Variants in PIP4P2 observed in about 807,000 individuals in gnomAD.
The protein encoded by PIP4P2 is type 2 phosphatidylinositol 4,5-bisphosphate 4-phosphatase.
A neutral mutation model predicts 33.3 loss-of-function variants in PIP4P2; 19 were observed. The observed-to-expected ratio is 0.57, with a 90% CI of 0.40 to 0.84. PIP4P2 has a LOEUF of 0.84. Ranked by LOEUF, PIP4P2 falls within the 40% of genes least tolerant of loss-of-function variation. The pLI is 0.00. For synonymous variants in PIP4P2, 110 were observed against 111.9 expected (o/e 0.98, Z 0.11); for missense variants, 270 against 324.7 (o/e 0.83, Z 1.29).
chr8:91,019,419 AAAAAAT>A lies in PIP4P2; in HGVS notation c.362+732_362+737del, dbSNP rs1323910127. On this transcript the variant is annotated intron_variant, in intron 3 of 6. Coordinates refer to ENST00000285419, the MANE Select transcript of PIP4P2 (RefSeq NM_018710.3). ...ACAAAAAAAAAAAAAAAAAAAAAAA[AAAAAAT>A]ATATTACCTGGGAGTGGTGGTGTGT... Among the ~76,000 whole-genome samples, 50 of 146,000 alleles carry A rather than the reference AAAAAAT, an allele frequency of 3.4e-4. 1 individual carries two copies. The highest frequency in any genetic ancestry group is 6.7e-4 in the South Asian group (3 of 4,450).
chr8:91,004,151 A>G (rs2130353290), intron 5 of PIP4P2, among the ~76,000 whole-genome samples: 1 of 152,312 alleles, frequency 6.6e-6, no homozygotes, highest in African/African-American at 2.4e-5. Flanking sequence ...CCTCAGAATC[A>G]GGGAAGCCAA....
chr8:91,038,774 T>G (rs1303395055), intron 1 of PIP4P2, among the ~76,000 whole-genome samples: 1 of 152,240 alleles, frequency 6.6e-6, no homozygotes. Context: ...GTAGGTGTTA[T>G]GTCATATGAA....
intron 1 of PIP4P2, among the ~76,000 whole-genome samples, chr8:91,033,363 T>G (rs760847298): frequency 6.6e-6 from 1 of 152,200 alleles, no homozygotes; most frequent in Non-Finnish European, 1.5e-5. Flanking sequence ...ACCTACTTAG[T>G]TGGGTCATTT....
chr8:91,004,869 T>G (rs886345668), intron 5 of PIP4P2, among the ~76,000 whole-genome samples: 1 of 151,992 alleles, frequency 6.6e-6, no homozygotes, highest in African/African-American at 2.4e-5. Context: ...AGGTGGGGGT[T>G]TAGGAGGAAT....
At chr8:91,016,249 AAGATGAGG>A (rs761014235) in intron 4 of PIP4P2, among the ~76,000 whole-genome samples, 48 of 152,330 alleles carry the variant, frequency 3.2e-4, no homozygotes, top group Non-Finnish European at 6.0e-4. Context: ...ATTTTAAATT[AAGATGAGG>A]AGATATAATG....
intron 5 of PIP4P2, among the ~76,000 whole-genome samples, chr8:91,007,354 G>A (rs1260096897): frequency 6.6e-6 from 1 of 152,138 alleles, no homozygotes; most frequent in Non-Finnish European, 1.5e-5. Context: ...TAGCAGAGAT[G>A]GAGATATTTT....
At position 91,040,856 on chromosome 8, in the gene PIP4P2, T is replaced by A; in HGVS notation, c.-107A>T. 3 of 866,046 alleles carry A rather than the reference T, an allele frequency of 3.5e-6. No homozygotes were observed. Among genetic ancestry groups the A allele is most frequent in the Non-Finnish European group, 5.0e-6 (3 of 596,410 alleles). The allele number at this position is 866,046 out of a possible 1,614,324, so 53.6% of individuals were successfully genotyped here. A position where few individuals can be genotyped will look rare whatever the true frequency, so the allele number is the denominator to read the frequency against. Reference sequence around the variant, plus strand: ...CTGCCGCTGCTGCCGCTGCAGCTGCTGCTGCTGCCGCCTCCGGGAGGGCCC... The same window carrying A: ...CTGCCGCTGCTGCCGCTGCAGCTGCAGCTGCTGCCGCCTCCGGGAGGGCCC... On this transcript the variant is annotated 5_prime_UTR_variant, in exon 1 of 7. Transcript: ENST00000285419.
intron 5 of PIP4P2, among the ~76,000 whole-genome samples, chr8:91,007,785 G>A (rs529544028): frequency 6.6e-6 from 1 of 152,230 alleles, no homozygotes; most frequent in East Asian, 1.9e-4. Context: ...GGCTTATTAT[G>A]TATAAATTGT....
chr8:91,025,750 T>C (rs1812074556), intron 1 of PIP4P2, among the ~76,000 whole-genome samples: 1 of 152,150 alleles, frequency 6.6e-6, no homozygotes, highest in African/African-American at 2.4e-5. Flanking sequence ...GCCTGGCTTT[T>C]TTCTCCTCTA....
chr8:91,020,359 T>C (rs1811990788), intron 2 of PIP4P2, 96 bp from the exon 3 acceptor site: 1 of 1,046,520 alleles, frequency 9.6e-7, no homozygotes, highest in Non-Finnish European at 1.5e-6. Context: ...CCATTAAAAC[T>C]AATGAAATAT....
chr8:91,010,054 C>T (rs1252550529), intron 4 of PIP4P2, among the ~76,000 whole-genome samples: 1 of 151,740 alleles, frequency 6.6e-6, no homozygotes, highest in African/African-American at 2.4e-5. Context: ...GAGAGAATTA[C>T]TTATAATATC....
chr8:91,023,062 T>A (rs558126897), intron 1 of PIP4P2, among the ~76,000 whole-genome samples: 21 of 152,132 alleles, frequency 1.4e-4, no homozygotes, highest in Admixed American at 1.3e-3. Context: ...AAACAATGAG[T>A]CAACAATATA....
chr8:90,995,301 A>G lies in PIP4P2; in HGVS notation c.*376T>C, dbSNP rs1811613281. ...ACTGTTTAATTAAAATGTAAATATA[A>G]ATGTGAAACTATTATAGAAATATTT... On this transcript the variant is annotated 3_prime_UTR_variant, in exon 7 of 7. Transcript: ENST00000285419. The G allele has an allele frequency of 1.3e-5, 2 of 153,454 alleles. No homozygotes were observed. The highest frequency in any genetic ancestry group is 4.8e-5 in the African/African-American group (2 of 41,478). The allele number at this position is 153,454 out of a possible 1,614,324, so 9.5% of individuals were successfully genotyped here.
At chr8:91,036,647 T>TAC (rs1812235693) in intron 1 of PIP4P2, among the ~76,000 whole-genome samples, 1 of 152,234 alleles carries the variant, frequency 6.6e-6, no homozygotes, top group South Asian at 2.1e-4. Flanking sequence ...TATTCTTGTC[T>TAC]ACTCTAGCCA....
intron 1 of PIP4P2, among the ~76,000 whole-genome samples, chr8:91,026,225 C>A (rs1255182125): frequency 6.6e-5 from 10 of 152,052 alleles, no homozygotes; most frequent in African/African-American, 2.2e-4. Context: ...CTGTTTGCTC[C>A]CAATCTGCTT....
rs557288165 is a variant in PIP4P2, at chr8:91,017,847, C to CA, written c.486+542dup. ...TAAGTTTAAGTTAGAAGTAGTAAAA[C>CA]AAAAACTTTTATAACTTTTGCTCAT... On this transcript the variant is annotated intron_variant, in intron 4 of 6. Coordinates refer to ENST00000285419, the MANE Select transcript of PIP4P2 (RefSeq NM_018710.3). Among the ~76,000 whole-genome samples the CA allele has an allele frequency of 1.7e-3, 259 of 152,210 alleles. 1 individual carries two copies. Among genetic ancestry groups the CA allele is most frequent in the African/African-American group, 6.1e-3 (252 of 41,536 alleles).
At chr8:91,027,173 G>A (rs1314442887) in intron 1 of PIP4P2, among the ~76,000 whole-genome samples, 3 of 152,170 alleles carry the variant, frequency 2.0e-5, no homozygotes, top group Non-Finnish European at 4.4e-5. Context: ...AGCCTTACTA[G>A]GTAAATCCAC....
chr8:91,040,780 C>A lies in PIP4P2; in HGVS notation c.-31G>T, dbSNP rs1382318074. ...CGGCAGCGGCGGGGCCTGGGGAGGC[C>A]GAGCCGGGGTTGCGGCCTCGGCGGA... On this transcript the variant is annotated 5_prime_UTR_variant, in exon 1 of 7. Transcript: ENST00000285419. 1 of 1,604,432 alleles carries A rather than the reference C, an allele frequency of 6.2e-7. No homozygotes were observed. Among genetic ancestry groups the A allele is most frequent in the Admixed American group, 1.7e-5 (1 of 59,748 alleles).
chr8:91,017,290 T>C (rs1393207392), intron 4 of PIP4P2, among the ~76,000 whole-genome samples: 1 of 152,022 alleles, frequency 6.6e-6, no homozygotes, highest in East Asian at 1.9e-4. Context: ...TCCCAGCTAC[T>C]TGGGAGGCTG....
Sources: gnomAD v4.1 joint callset for allele counts (sites outside exome capture counted in the v4.1 genomes callset) on GRCh38, gnomAD v4.1.1 for gene constraint, MANE v1.5 for transcripts, NCBI Gene and HGNC (gene_info 2026-07-23, HGNC 2026-07-21) for gene names.